Variants in PKIA observed in about 807,000 individuals in gnomAD.
PKIA encodes cAMP-dependent protein kinase inhibitor alpha.
PKIA carries 4 observed loss-of-function variants against 7.6 expected under a neutral mutation model. The ratio of observed to expected loss-of-function variants is 0.52; its 90% CI spans 0.26 to 1.20. The LOEUF (loss-of-function observed/expected upper bound fraction) is 1.20. PKIA is among the 50% of genes most tolerant of loss of function. The pLI is 0.13. For missense variants in PKIA, 73 were observed against 86.2 expected (o/e 0.85, Z 0.61); for synonymous variants, 21 against 30.7 (o/e 0.68, Z 1.04).
At chr8:78,536,859 TAC>T (rs58547049) in intron 1 of PKIA, among the ~76,000 whole-genome samples, 25,360 of 135,598 alleles carry the variant, frequency 0.19, 2,201 homozygotes, top group East Asian at 0.29. Context: ...CTAGAAAACA[TAC>T]ACACACACAC....
intron 1 of PKIA, among the ~76,000 whole-genome samples, chr8:78,566,765 G>A (rs907753042): frequency 7.9e-5 from 12 of 152,116 alleles, no homozygotes; most frequent in Non-Finnish European, 1.3e-4. Flanking sequence ...ATTAGACATT[G>A]CCTACAACCA....
intron 1 of PKIA, among the ~76,000 whole-genome samples, chr8:78,533,388 AATAG>A (rs1295241666): frequency 3.3e-5 from 5 of 152,134 alleles, no homozygotes; most frequent in African/African-American, 4.8e-5. Context: ...AAGTACTTAA[AATAG>A]ATATAGATTT....
chr8:78,524,022 G>T lies in PKIA; in HGVS notation c.-157+7554G>T, dbSNP rs978326172. Among the ~76,000 whole-genome samples the T allele has an allele frequency of 7.6e-4, 50 of 65,420 alleles. 1 individual carries two copies. The East Asian group carries it at 0.014, about 18-fold the overall frequency. The allele number at this position is 65,420 out of a possible 152,430, so 42.9% of individuals were successfully genotyped here. On this transcript the variant is annotated intron_variant, in intron 1 of 3. Coordinates refer to ENST00000396418, the MANE Select transcript of PKIA (RefSeq NM_006823.4). ...CATTTATATATAAATATATATAAAC[G>T]TTTATATAAACGTTTATATATATAA...
At chr8:78,600,016 CAATTAAAT>C (rs935638773) in intron 3 of PKIA, among the ~76,000 whole-genome samples, 3 of 150,122 alleles carry the variant, frequency 2.0e-5, no homozygotes, top group Non-Finnish European at 4.4e-5. Flanking sequence ...CATTATTTTA[CAATTAAAT>C]AATTTAAAAT....
chr8:78,590,239 A>G (rs1808061136), intron 2 of PKIA, among the ~76,000 whole-genome samples: 1 of 152,020 alleles, frequency 6.6e-6, no homozygotes, highest in African/African-American at 2.4e-5. Context: ...AAATTTACAT[A>G]ACCCAGTGTA....
rs1406851391 is a variant in PKIA, at chr8:78,518,195, G to A, written c.-157+1727G>A. Among the ~76,000 whole-genome samples the A allele has an allele frequency of 3.3e-5, 5 of 152,246 alleles. No individual in the cohort carries two copies. In the East Asian group the frequency reaches 7.7e-4, roughly 23 times the overall value. Reference sequence around the variant, plus strand: ...AGTATATGAGGCATAGGGTGAGGGTGTAGGGGGTGGGCAAAGCCCACTACT... The same window carrying A: ...AGTATATGAGGCATAGGGTGAGGGTATAGGGGGTGGGCAAAGCCCACTACT... On this transcript the variant is annotated intron_variant, in intron 1 of 3. Transcript: ENST00000396418.
At chr8:78,538,789 G>A (rs769214847) in intron 1 of PKIA, among the ~76,000 whole-genome samples, 2 of 152,052 alleles carry the variant, frequency 1.3e-5, no homozygotes, top group Non-Finnish European at 2.9e-5. Context: ...GGCCGAATTT[G>A]GAGGTGTTAC....
intron 1 of PKIA, among the ~76,000 whole-genome samples, chr8:78,520,241 A>T (rs1250649502): frequency 2.0e-5 from 3 of 152,218 alleles, no homozygotes; most frequent in Admixed American, 6.5e-5. Context: ...TTTTTTAAAA[A>T]TCATTATAGT....
chr8:78,561,119 C>T (rs1173700220), intron 1 of PKIA, among the ~76,000 whole-genome samples: 4 of 152,060 alleles, frequency 2.6e-5, no homozygotes, highest in Admixed American at 6.6e-5. Flanking sequence ...AGATCTTTTG[C>T]GAATTTGCCT....
chr8:78,586,952 A>C (rs948176943), intron 2 of PKIA, among the ~76,000 whole-genome samples: 4 of 152,202 alleles, frequency 2.6e-5, no homozygotes, highest in African/African-American at 9.6e-5. Context: ...TATCTGGCAC[A>C]TATGTAATAT....
At chr8:78,516,730 A>G (rs2118296985) in intron 1 of PKIA, among the ~76,000 whole-genome samples, 1 of 152,342 alleles carries the variant, frequency 6.6e-6, no homozygotes, top group South Asian at 2.1e-4. Flanking sequence ...AGATTCGCGT[A>G]GACAGTGAAG....
chr8:78,566,925 G>T (rs920706845), intron 1 of PKIA, among the ~76,000 whole-genome samples: 17 of 151,960 alleles, frequency 1.1e-4, no homozygotes, highest in African/African-American at 2.4e-4. Flanking sequence ...CATGTTACCA[G>T]GAATTATTGC....
chr8:78,549,726 CAAA>C (rs10708020), intron 1 of PKIA, among the ~76,000 whole-genome samples: 46 of 123,204 alleles, frequency 3.7e-4, no homozygotes, highest in Non-Finnish European at 2.0e-4. Flanking sequence ...ACTGAAATAC[CAAA>C]AAAAAAAAAA....
intron 1 of PKIA, among the ~76,000 whole-genome samples, chr8:78,520,581 T>G (rs1246287397): frequency 6.6e-6 from 1 of 152,160 alleles, no homozygotes; most frequent in African/African-American, 2.4e-5. Flanking sequence ...ACCCGCTCTT[T>G]GAAGTGTAAC....
intron 1 of PKIA, among the ~76,000 whole-genome samples, chr8:78,560,528 A>C (rs1283937818): frequency 1.3e-5 from 2 of 152,214 alleles, no homozygotes; most frequent in East Asian, 1.9e-4. Flanking sequence ...ACCTTACATT[A>C]AAATATCTTA....
intron 2 of PKIA, chr8:78,591,432 T>A (rs116976248): frequency 6.6e-6 from 1 of 152,546 alleles, no homozygotes; most frequent in Non-Finnish European, 1.5e-5. Context: ...GCACAGATCA[T>A]GAGTCTCAGT....
At chr8:78,594,882 C>T (rs1332118639) in intron 2 of PKIA, among the ~76,000 whole-genome samples, 1 of 152,178 alleles carries the variant, frequency 6.6e-6, no homozygotes, top group African/African-American at 2.4e-5. Flanking sequence ...CCCGTATCTT[C>T]TCAGAGGAAG....
intron 1 of PKIA, among the ~76,000 whole-genome samples, chr8:78,540,154 G>T (rs543066965): frequency 4.0e-5 from 6 of 151,714 alleles, no homozygotes; most frequent in Admixed American, 2.0e-4. Flanking sequence ...GCAATAAAAG[G>T]GTGTAACTTG....
chr8:78,602,043 G>A lies in PKIA; in HGVS notation c.*222G>A, dbSNP rs1226195273. On this transcript the variant is annotated 3_prime_UTR_variant, in exon 4 of 4. Coordinates refer to ENST00000396418, the MANE Select transcript of PKIA (RefSeq NM_006823.4). The stretch of plus-strand genomic sequence containing the variant: ...CAATGGTTGAAATCATGTGGCTTGT[G>A]TTTGGGCGTCATTTTTGTATGGATC... The A allele has an allele frequency of 5.5e-6, 3 of 545,834 alleles. No homozygotes were observed. Among genetic ancestry groups the A allele is most frequent in the Non-Finnish European group, 9.8e-6 (3 of 307,600 alleles). The allele number at this position is 545,834 out of a possible 1,614,324, so 33.8% of individuals were successfully genotyped here. A position where few individuals can be genotyped will look rare whatever the true frequency, so the allele number is the denominator to read the frequency against.
Sources: gnomAD v4.1 joint callset for allele counts (sites outside exome capture counted in the v4.1 genomes callset) on GRCh38, gnomAD v4.1.1 for gene constraint, MANE v1.5 for transcripts, NCBI Gene and HGNC (gene_info 2026-07-23, HGNC 2026-07-21) for gene names.